The following GLIS3 variants were observed in gnomAD, a reference collection of about 807,000 sequenced individuals.
GLIS3 encodes GLIS family zinc finger 3, also known as zinc finger protein GLIS3.
GLIS3 carries 53 observed loss-of-function variants against 78.6 expected under a neutral mutation model. The observed-to-expected ratio is 0.67, with a 90% CI of 0.54 to 0.85. GLIS3 has a LOEUF of 0.85. Among genes scored for constraint, GLIS3 ranks in the 40% least tolerant of loss-of-function variants. GLIS3 has a pLI of 0.00. For synonymous variants in GLIS3, 684 were observed against 509.9 expected (o/e 1.34, Z -4.60); for missense variants, 1,703 against 1,231.1 (o/e 1.38, Z -5.74).
At chr9:4,192,584 C>T (rs1444945012) in intron 2 of GLIS3, among the ~76,000 whole-genome samples, 1 of 152,172 alleles carries the variant, frequency 6.6e-6, no homozygotes, top group Non-Finnish European at 1.5e-5. Flanking sequence ...TCAAAATTGG[C>T]TCATTTAACT....
At chr9:4,063,920 T>C (rs1826864650) in intron 4 of GLIS3, among the ~76,000 whole-genome samples, 1 of 152,034 alleles carries the variant, frequency 6.6e-6, no homozygotes, top group Non-Finnish European at 1.5e-5. Flanking sequence ...AAAAGTGAAA[T>C]CATAAGTAAA....
chr9:4,272,762 A>AT, intron 2 of GLIS3, among the ~76,000 whole-genome samples: 1 of 152,224 alleles, frequency 6.6e-6, no homozygotes, highest in Non-Finnish European at 1.5e-5. Flanking sequence ...AGTAGGTTGA[A>AT]TGACTTGATC....
intron 2 of GLIS3, among the ~76,000 whole-genome samples, chr9:4,137,488 G>T (rs1833485693): frequency 6.6e-6 from 1 of 152,170 alleles, no homozygotes; most frequent in Non-Finnish European, 1.5e-5. Flanking sequence ...ATACCCAAGA[G>T]ATTAAAATGT....
At chr9:4,306,863 G>C (rs1202702255) in intron 4 of GLIS3, among the ~76,000 whole-genome samples, 1 of 152,226 alleles carries the variant, frequency 6.6e-6, no homozygotes, top group Admixed American at 6.5e-5. Context: ...AACAGAAGTA[G>C]AGAGTCCTTA....
chr9:4,028,015 C>A (rs1446090182), intron 4 of GLIS3, among the ~76,000 whole-genome samples: 1 of 152,160 alleles, frequency 6.6e-6, no homozygotes, highest in Non-Finnish European at 1.5e-5. Context: ...TAGACCAAAC[C>A]AGCGCAACCC....
chr9:4,173,641 A>G (rs1816572687), intron 2 of GLIS3, among the ~76,000 whole-genome samples: 1 of 151,380 alleles, frequency 6.6e-6, no homozygotes, highest in Admixed American at 6.6e-5. Context: ...TTGATCTGTC[A>G]CCTAGAGTGC....
At chr9:4,400,081 T>C in the GLIS3 span, among the ~76,000 whole-genome samples, 1 of 152,174 alleles carries the variant, frequency 6.6e-6, no homozygotes, top group Admixed American at 6.5e-5. Context: ...GTAACGAGTT[T>C]GCTCCTAATC....
At chr9:4,117,612 A>T (rs1481050435) in intron 4 of GLIS3, among the ~76,000 whole-genome samples, 156 bp downstream of exon 4, 1 of 152,142 alleles carries the variant, frequency 6.6e-6, no homozygotes, top group Non-Finnish European at 1.5e-5. Flanking sequence ...CCATGAAAGA[A>T]ATCTTCCCCT....
At chr9:4,339,473 T>C (rs1045179236) in intron 2 of GLIS3, among the ~76,000 whole-genome samples, 1 of 151,986 alleles carries the variant, frequency 6.6e-6, no homozygotes, top group Non-Finnish European at 1.5e-5. Flanking sequence ...TGCCAATCTG[T>C]TACATAAACA....
chr9:4,350,715 A>T (rs531475160), upstream of GLIS3, among the ~76,000 whole-genome samples: 1 of 152,296 alleles, frequency 6.6e-6, no homozygotes, highest in South Asian at 2.1e-4. Flanking sequence ...GGACCAAGGA[A>T]GAGTTGGGAT....
At chr9:3,952,136 C>A (rs1255031320) in intron 4 of GLIS3, among the ~76,000 whole-genome samples, 1 of 152,106 alleles carries the variant, frequency 6.6e-6, no homozygotes, top group African/African-American at 2.4e-5. Context: ...TGCATACTCC[C>A]TAGACTTTTG....
chr9:4,109,976 C>T (rs141885160), intron 4 of GLIS3, among the ~76,000 whole-genome samples: 5 of 152,290 alleles, frequency 3.3e-5, no homozygotes, highest in Non-Finnish European at 7.4e-5. Context: ...CCTAGTTTTC[C>T]CATTAAAAGT....
chr9:4,161,839 G>C (rs572940352), intron 2 of GLIS3, among the ~76,000 whole-genome samples: 1 of 79,146 alleles, frequency 1.3e-5, no homozygotes, highest in South Asian at 5.5e-4. Flanking sequence ...GTCACACCCA[G>C]CTAATTTTTG....
the GLIS3 span, among the ~76,000 whole-genome samples, chr9:4,408,971 C>T: frequency 6.6e-6 from 1 of 151,472 alleles, no homozygotes; most frequent in East Asian, 1.9e-4. Flanking sequence ...CATACACCCA[C>T]TATGTACCCA....
intron 4 of GLIS3, among the ~76,000 whole-genome samples, chr9:4,057,155 A>G (rs763195047): frequency 2.0e-5 from 3 of 152,186 alleles, no homozygotes; most frequent in African/African-American, 7.2e-5. Flanking sequence ...CCAGAAGTAG[A>G]GAGAATACTA....
chr9:4,000,916 C>T (rs1287128113), intron 4 of GLIS3, among the ~76,000 whole-genome samples: 1 of 152,178 alleles, frequency 6.6e-6, no homozygotes, highest in African/African-American at 2.4e-5. Context: ...TTCTGATGGT[C>T]ACTCTCTCCT....
intron 2 of GLIS3, among the ~76,000 whole-genome samples, chr9:4,216,318 A>G (rs1338841911): frequency 6.6e-6 from 1 of 151,786 alleles, no homozygotes; most frequent in Non-Finnish European, 1.5e-5. Context: ...TAAAAATACA[A>G]AAAAATTAGC....
chr9:4,330,606 A>AGAGGTG (rs1817670486), intron 2 of GLIS3, among the ~76,000 whole-genome samples: 1 of 145,896 alleles, frequency 6.9e-6, no homozygotes, highest in Non-Finnish European at 1.5e-5. Context: ...GGAGATGAGG[A>AGAGGTG]GAGGTGGAGG....
At chr9:3,973,591 T>A (rs1388087068) in intron 4 of GLIS3, among the ~76,000 whole-genome samples, 1 of 152,206 alleles carries the variant, frequency 6.6e-6, no homozygotes. Flanking sequence ...TACCTGTTAT[T>A]ACTAATCGTG....
Sources: allele counts gnomAD v4.1 joint callset (sites outside exome capture counted in the v4.1 genomes callset), GRCh38; gene constraint gnomAD v4.1.1; transcripts MANE v1.5; gene names NCBI Gene and HGNC (gene_info 2026-07-23, HGNC 2026-07-21).